The following IGDCC3 variants were observed in gnomAD, a reference collection of about 807,000 sequenced individuals.
The protein encoded by IGDCC3 is putative neuronal cell adhesion molecule.
IGDCC3 carries 47 observed loss-of-function variants against 72.0 expected under a neutral mutation model. The ratio of observed to expected loss-of-function variants is 0.65; its 90% confidence interval spans 0.52 to 0.83. IGDCC3 has a LOEUF of 0.83. IGDCC3 is among the 40% of genes least tolerant of loss of function. The pLI is 0.00. For missense variants in IGDCC3, 1,038 were observed against 1,091.3 expected (o/e 0.95, Z 0.69); for synonymous variants, 477 against 472.8 (o/e 1.01, Z -0.11).
intron 2 of IGDCC3, among the ~76,000 whole-genome samples, chr15:65,373,204 G>T (rs149696323): frequency 1.9e-3 from 294 of 152,310 alleles, no homozygotes; most frequent in African/African-American, 6.7e-3. Flanking sequence ...CTATATCTCA[G>T]CATTGACACA....
intron 2 of IGDCC3, among the ~76,000 whole-genome samples, chr15:65,362,846 ATTTTTTTTTT>A (rs869239198): frequency 1.2e-4 from 10 of 85,734 alleles, no homozygotes; most frequent in Non-Finnish European, 1.6e-4. Context: ...AGGTTTGGGG[ATTTTTTTTTT>A]TTTTTTTTTT....
intron 2 of IGDCC3, among the ~76,000 whole-genome samples, chr15:65,347,966 A>AC (rs59050891): frequency 6.6e-6 from 1 of 150,610 alleles, no homozygotes; most frequent in African/African-American, 2.5e-5. Context: ...AACAACAACA[A>AC]AACAAACAAA....
intron 2 of IGDCC3, among the ~76,000 whole-genome samples, chr15:65,362,948 G>A (rs761612061): frequency 7.7e-4 from 113 of 146,454 alleles, no homozygotes; most frequent in Non-Finnish European, 1.1e-3. Context: ...TCCGCCTCCC[G>A]GGTTCCAGCG....
chr15:65,365,451 C>T (rs1346349124), intron 2 of IGDCC3, among the ~76,000 whole-genome samples: 1 of 152,150 alleles, frequency 6.6e-6, no homozygotes, highest in Non-Finnish European at 1.5e-5. Context: ...CAACCTAACA[C>T]CAGCATTCCA....
At position 65,377,822 on chromosome 15, in the gene IGDCC3, G is replaced by A. The variant is rs572730303; in HGVS notation, c.-34C>T. The A allele has an allele frequency of 2.4e-3, 2,780 of 1,169,378 alleles. 5 individuals are homozygous for A. The highest frequency in any genetic ancestry group is 2.7e-3 in the Non-Finnish European group (2,573 of 948,108). The allele number at this position is 1,169,378 out of a possible 1,614,324, so 72.4% of individuals were successfully genotyped here. A position where few individuals can be genotyped will look rare whatever the true frequency, so the allele number is the denominator to read the frequency against. ...CGGTCAGCTCGGCTCGGCGACGCGC[G>A]GCTCCCGGGCCTCTCGCGGCTCACA... On this transcript the variant is annotated 5_prime_UTR_variant, in exon 1 of 14. Transcript: ENST00000327987. The surrounding 1 kb of genome is among the most constrained non-coding windows in gnomAD (Gnocchi z 4.9).
chr15:65,355,817 T>C (rs537880055), intron 2 of IGDCC3: 18 of 451,994 alleles, frequency 4.0e-5, no homozygotes, highest in African/African-American at 3.4e-4. Context: ...AAACGAGGGT[T>C]TGATGTCGCT....
Position 65,344,097 on chromosome 15 carries a change from G to T in IGDCC3, c.410-8141C>A, listed in dbSNP as rs190728539. 3.4e-3 allele frequency among the ~76,000 whole-genome samples: 512 copies of T among 152,330 alleles called. 1 individual carries two copies. The highest frequency in any genetic ancestry group is 0.012 in the African/African-American group (489 of 41,570). ...CCTGGGCTTCCAAAGGAGCATCTGA[G>T]AGTTGAATGAAGGCTCTGAACCCAA... On this transcript the variant is annotated intron_variant, in intron 2 of 13. Transcript: ENST00000327987.
At chr15:65,345,059 C>T (rs559004066) in intron 2 of IGDCC3, among the ~76,000 whole-genome samples, 1 of 152,322 alleles carries the variant, frequency 6.6e-6, no homozygotes, top group Non-Finnish European at 1.5e-5. Context: ...TGAGTCAGGA[C>T]ATGTCCTGGT....
rs1032113456 is a variant in IGDCC3, at chr15:65,339,937, G to A, written c.410-3981C>T. Among the ~76,000 whole-genome samples the A allele has an allele frequency of 6.6e-6, 1 of 152,278 alleles. No individual in the cohort carries two copies. The highest frequency in any genetic ancestry group is 2.1e-4 in the South Asian group (1 of 4,822). The stretch of plus-strand genomic sequence containing the variant: ...TCCAGGTGTGAGGGCCAGAGAAAGC[G>A]ACAGGGAGGACAAAGTCCTGCTTGG... On this transcript the variant is annotated intron_variant, in intron 2 of 13. Coordinates refer to ENST00000327987, the MANE Select transcript of IGDCC3 (RefSeq NM_004884.4). The surrounding 1 kb of genome is among the most constrained non-coding windows in gnomAD (Gnocchi z 4.1).
intron 2 of IGDCC3, among the ~76,000 whole-genome samples, chr15:65,338,313 G>A (rs1264824379): frequency 2.0e-5 from 3 of 152,202 alleles, no homozygotes; most frequent in Non-Finnish European, 4.4e-5. Flanking sequence ...TTAATTTGAA[G>A]GGTAGCTTTG....
In IGDCC3 at chr15:65,331,472, C is replaced by T. The variant is rs1342162870; in HGVS notation, c.1336G>A (p.Glu446Lys). ...ATCTCCTTGGTGTTGGCCAGCGGCT[C>T]ACTCCAGGACACACGCACCTCAGTG... Reference protein sequence around the residue: ...SSTEVRVSWSEPLANTKEIIG... With the variant: ...SSTEVRVSWSKPLANTKEIIG... The change falls in exon 8 of 14, where the codon GAG becomes AAG. Residue 446 changes from glutamate to lysine, a missense_variant. Transcript: ENST00000327987. The T allele has an allele frequency of 6.2e-7, 1 of 1,613,410 alleles. No individual in the cohort carries two copies. The highest frequency in any genetic ancestry group is 1.3e-5 in the African/African-American group (1 of 75,038).
intron 2 of IGDCC3, among the ~76,000 whole-genome samples, chr15:65,366,777 T>G (rs1243762010): frequency 6.6e-6 from 1 of 152,198 alleles, no homozygotes; most frequent in Non-Finnish European, 1.5e-5. Context: ...TTGCCACTCT[T>G]CAGGCCTCTC....
intron 2 of IGDCC3, among the ~76,000 whole-genome samples, chr15:65,353,888 A>T (rs2091192156): frequency 6.6e-6 from 1 of 152,218 alleles, no homozygotes; most frequent in Non-Finnish European, 1.5e-5. Flanking sequence ...TCTATGGAGT[A>T]GCCATTCTTT....
chr15:65,333,995 C>A (rs1010620476), intron 5 of IGDCC3, among the ~76,000 whole-genome samples: 1 of 151,708 alleles, frequency 6.6e-6, no homozygotes, highest in Non-Finnish European at 1.5e-5. Context: ...CTTCCCCCAC[C>A]CCCACCAGGA....
At position 65,329,514 on chromosome 15, in the gene IGDCC3, AG is replaced by A. The variant is rs1318500630; in HGVS notation, c.2080del (p.Leu694Ter). The A allele has an allele frequency of 1.9e-6, 3 of 1,606,384 alleles. No individual in the cohort carries two copies. The highest frequency in any genetic ancestry group is 2.5e-6 in the Non-Finnish European group (3 of 1,178,110). On this transcript the variant is annotated frameshift_variant, in exon 13 of 14. Transcript: ENST00000327987. LOFTEE classifies it high-confidence loss of function. The surrounding 1 kb of genome is among the most constrained non-coding windows in gnomAD (Gnocchi z 4.1). ...RSQRDPGILA[L>X]NGARRGQRGQ... is the part of the protein sequence containing the mutation. ...CCGCTGTCCCCGTCTCGCCCCATTTAGGGCTAGAATGCCAGGGTCCCTCTGG... is the reference window on the plus strand; with the variant it reads ...CCGCTGTCCCCGTCTCGCCCCATTTAGGCTAGAATGCCAGGGTCCCTCTGG...
intron 2 of IGDCC3, among the ~76,000 whole-genome samples, chr15:65,368,530 T>C (rs1595765534): frequency 6.6e-6 from 1 of 151,330 alleles, no homozygotes; most frequent in Non-Finnish European, 1.5e-5. Context: ...CGGGTGGGGG[T>C]GAGTGGAGGC....
At chr15:65,330,786 C>CTCGA in intron 9 of IGDCC3, 45 bp from the exon 10 acceptor site, 10 of 1,423,414 alleles carry the variant, frequency 7.0e-6, no homozygotes, top group Non-Finnish European at 8.7e-6. Context: ...CCAGTGGAAG[C>CTCGA]TCTATCTTTC....
At chr15:65,349,227 A>G (rs749401255) in intron 2 of IGDCC3, among the ~76,000 whole-genome samples, 13 of 152,206 alleles carry the variant, frequency 8.5e-5, no homozygotes, top group Non-Finnish European at 1.6e-4. Flanking sequence ...TTGTTATCAC[A>G]AGTATTTTGC....
intron 2 of IGDCC3, chr15:65,355,939 G>C: frequency 3.3e-6 from 1 of 298,632 alleles, no homozygotes; most frequent in Non-Finnish European, 7.1e-6. Context: ...AGGAAGCGGT[G>C]CCTGTCTCCC....
Sources: allele counts gnomAD v4.1 joint callset (sites outside exome capture counted in the v4.1 genomes callset), GRCh38; gene constraint gnomAD v4.1.1; non-coding constraint Gnocchi (gnomAD v3.1); transcripts MANE v1.5; gene names NCBI Gene and HGNC (gene_info 2026-07-23, HGNC 2026-07-21).